NFIA: variants seen among roughly 807,000 people sequenced by gnomAD.
NFIA encodes the protein nuclear factor I A.
Under a neutral mutation model 62.8 loss-of-function variants are expected in NFIA, and 8 were observed. That is an observed-to-expected ratio of 0.13 (90% confidence interval 0.07 to 0.23). The LOEUF is 0.23. Among genes scored for constraint, NFIA ranks in the 10% least tolerant of loss-of-function variants. The pLI is 1.00. For synonymous variants in NFIA, 235 were observed against 238.1 expected (o/e 0.99, Z 0.12); for missense variants, 410 against 642.1 (o/e 0.64, Z 3.91).
chr1:61,114,719 A>G (rs1045982526), intron 2 of NFIA, among the ~76,000 whole-genome samples: 1 of 152,120 alleles, frequency 6.6e-6, no homozygotes, highest in Non-Finnish European at 1.5e-5. Flanking sequence ...TTTATCATTG[A>G]TAAGTTTGGA....
At chr1:61,411,002 T>A (rs898862733) in intron 9 of NFIA, among the ~76,000 whole-genome samples, 2 of 152,146 alleles carry the variant, frequency 1.3e-5, no homozygotes, top group African/African-American at 2.4e-5. Flanking sequence ...CTCCCTTATG[T>A]ATTGATGGAA....
intron 7 of NFIA, among the ~76,000 whole-genome samples, chr1:61,393,082 C>T (rs777667799): frequency 1.2e-4 from 18 of 151,736 alleles, no homozygotes; most frequent in Non-Finnish European, 1.9e-4. Flanking sequence ...CTGTACCTTG[C>T]GTAGTCAGAT....
rs865829240 is a variant in NFIA at position 61,333,064 on chromosome 1, C to T, written c.700+478C>T. 8.1e-3 allele frequency among the ~76,000 whole-genome samples: 1,118 copies of T among 138,540 alleles called. 3 individuals carry two copies. Among genetic ancestry groups the T allele is most frequent in the Middle Eastern group, 0.042 (12 of 288 alleles). 90.9% of individuals were successfully genotyped at this position (138,540 alleles called of 152,430 possible). On this transcript the variant is annotated intron_variant, in intron 4 of 10. Coordinates refer to ENST00000403491, the MANE Select transcript of NFIA (RefSeq NM_001134673.4). ...GCATGCACGCACACACACACACACA[C>T]ACATACACACACACACACACACACA...
At chr1:61,391,149 C>T (rs541931094) in intron 7 of NFIA, among the ~76,000 whole-genome samples, 1 of 152,240 alleles carries the variant, frequency 6.6e-6, no homozygotes, top group Admixed American at 6.5e-5. Context: ...CAGCCTCGAC[C>T]TCCTAGGCTC....
chr1:61,085,669 TGA>T (rs1646206215), intron 1 of NFIA, among the ~76,000 whole-genome samples: 1 of 152,096 alleles, frequency 6.6e-6, no homozygotes, highest in African/African-American at 2.4e-5. Context: ...AATCATGACT[TGA>T]GAAAGATACA....
intron 7 of NFIA, among the ~76,000 whole-genome samples, chr1:61,391,595 G>A (rs909213508): frequency 5.5e-4 from 84 of 152,116 alleles, no homozygotes; most frequent in Admixed American, 1.5e-3. Flanking sequence ...GACCTTAAGA[G>A]AAATGAGCTC....
rs1557461583 is a variant in NFIA, at chr1:61,461,355, A to G, written c.*6035A>G. 6.6e-6 allele frequency: 1 copy of G among 152,234 alleles called. No individual in the cohort carries two copies. Among genetic ancestry groups the G allele is most frequent in the Non-Finnish European group, 1.5e-5 (1 of 68,038 alleles). 9.4% of individuals were successfully genotyped at this position (152,234 alleles called of 1,614,324 possible). A position where few individuals can be genotyped will look rare whatever the true frequency, so the allele number is the denominator to read the frequency against. ...GCACAGTTGCAATATTTTCTTCAAA[A>G]ATAAAACTCTGTACAAACTTTGGGC... On this transcript the variant is annotated 3_prime_UTR_variant, in exon 11 of 11. Coordinates refer to ENST00000403491, the MANE Select transcript of NFIA (RefSeq NM_001134673.4).
intron 10 of NFIA, among the ~76,000 whole-genome samples, chr1:61,443,446 T>C (rs1326133929): frequency 3.3e-5 from 5 of 152,086 alleles, no homozygotes; most frequent in Non-Finnish European, 7.4e-5. Flanking sequence ...ATGCAATTGC[T>C]TCTCTGAACC....
chr1:61,409,810 G>A (rs117986272), intron 9 of NFIA, among the ~76,000 whole-genome samples: 1 of 152,230 alleles, frequency 6.6e-6, no homozygotes, highest in East Asian at 1.9e-4. Context: ...CCCCGAAGAG[G>A]AAGAGACAGG....
chr1:61,455,363 C>G lies in NFIA; in HGVS notation c.*43C>G, dbSNP rs1212594755. Reference sequence around the variant, plus strand: ...CATCCACCAGACAGACCACCTGACCCCTTCTCAACTCTGTAACATGGACGC... The same window carrying G: ...CATCCACCAGACAGACCACCTGACCGCTTCTCAACTCTGTAACATGGACGC... On this transcript the variant is annotated 3_prime_UTR_variant, in exon 11 of 11. Transcript: ENST00000403491. 6.2e-7 allele frequency: 1 copy of G among 1,614,112 alleles called. No homozygotes were observed.
intron 2 of NFIA, among the ~76,000 whole-genome samples, chr1:61,102,801 T>C (rs1300418708): frequency 6.6e-6 from 1 of 152,194 alleles, no homozygotes; most frequent in Non-Finnish European, 1.5e-5. Context: ...ATTGCCTGTC[T>C]TTAAATTTGG....
At chr1:61,206,359 A>G (rs1304322589) in intron 2 of NFIA, among the ~76,000 whole-genome samples, 1 of 152,124 alleles carries the variant, frequency 6.6e-6, no homozygotes, top group Non-Finnish European at 1.5e-5. Flanking sequence ...CAACACTTTT[A>G]CTGTTTGGTA....
rs181073553 is a variant in NFIA, at chr1:61,100,658, T to C, written c.559+11978T>C. On this transcript the variant is annotated intron_variant, in intron 2 of 10. Coordinates refer to ENST00000403491, the MANE Select transcript of NFIA (RefSeq NM_001134673.4). Reference sequence around the variant, plus strand: ...GCCTAGCTGGAGTGCAGTGGTGCAGTCGTAGCTCACTGCTGCCTCAAACTT... The same window carrying C: ...GCCTAGCTGGAGTGCAGTGGTGCAGCCGTAGCTCACTGCTGCCTCAAACTT... Among the ~76,000 whole-genome samples the C allele has an allele frequency of 3.2e-4, 48 of 152,276 alleles. No individual in the cohort carries two copies. In the East Asian group the frequency reaches 9.1e-3, roughly 29 times the overall value.
At chr1:61,243,080 T>G (rs1655442262) in intron 2 of NFIA, among the ~76,000 whole-genome samples, 1 of 152,146 alleles carries the variant, frequency 6.6e-6, no homozygotes, top group Non-Finnish European at 1.5e-5. Flanking sequence ...GTATGTTTAT[T>G]TCTAGTCTTT....
chr1:61,158,686 C>A (rs1424281286), intron 2 of NFIA, among the ~76,000 whole-genome samples: 1 of 152,162 alleles, frequency 6.6e-6, no homozygotes, highest in African/African-American at 2.4e-5. Context: ...CTTACAGTAA[C>A]CACAGAGTTA....
intron 2 of NFIA, among the ~76,000 whole-genome samples, chr1:61,129,970 C>G (rs1420711998): frequency 6.6e-6 from 1 of 152,142 alleles, no homozygotes; most frequent in Non-Finnish European, 1.5e-5. Context: ...GAGTTAGAAT[C>G]TTGGCTTGAT....
At chr1:61,326,411 CTATAT>C (rs1660937447) in intron 3 of NFIA, among the ~76,000 whole-genome samples, 1 of 152,102 alleles carries the variant, frequency 6.6e-6, no homozygotes, top group Non-Finnish European at 1.5e-5. Context: ...TTTAGTTAAA[CTATAT>C]TGCTGGAAAT....
At chr1:61,306,430 C>A (rs1285295930) in intron 3 of NFIA, among the ~76,000 whole-genome samples, 1 of 152,000 alleles carries the variant, frequency 6.6e-6, no homozygotes, top group Non-Finnish European at 1.5e-5. Context: ...CGCACACCAC[C>A]ATGCCTGGCT....
chr1:61,454,253 A>G (rs1245070436), intron 10 of NFIA, among the ~76,000 whole-genome samples: 1 of 152,236 alleles, frequency 6.6e-6, no homozygotes, highest in Non-Finnish European at 1.5e-5. Context: ...TTGTCAAGGT[A>G]TCTCTAGAGA....
Sources: gnomAD v4.1 joint callset for allele counts (sites outside exome capture counted in the v4.1 genomes callset) on GRCh38, gnomAD v4.1.1 for gene constraint, MANE v1.5 for transcripts, NCBI Gene and HGNC (gene_info 2026-07-23, HGNC 2026-07-21) for gene names.